The following MTRF1 variants were observed in gnomAD, a reference collection of about 807,000 sequenced individuals.
The protein encoded by MTRF1 is mitochondrial translation release factor 1.
MTRF1 carries 51 observed loss-of-function variants against 62.9 expected under a neutral mutation model. The ratio of observed to expected loss-of-function variants is 0.81; its 90% CI spans 0.65 to 1.02. The LOEUF is 1.02. MTRF1 is among the 50% of genes least tolerant of loss of function. The probability of loss-of-function intolerance (pLI) is 0.00; values close to 1 mark genes in which losing one functional copy is unlikely to be tolerated. For missense variants in MTRF1, 446 were observed against 530.0 expected (o/e 0.84, Z 1.56); for synonymous variants, 158 against 181.9 (o/e 0.87, Z 1.06).
chr13:41,230,458 T>C (rs908396036), intron 7 of MTRF1, among the ~76,000 whole-genome samples: 6 of 151,930 alleles, frequency 3.9e-5, no homozygotes, highest in Non-Finnish European at 5.9e-5. Context: ...GAGCTGGGGT[T>C]TCTCCATGTT....
the MTRF1 span, among the ~76,000 whole-genome samples, chr13:41,276,511 T>A: frequency 6.6e-6 from 1 of 152,194 alleles, no homozygotes; most frequent in African/African-American, 2.4e-5. Context: ...TGCCAAGCAC[T>A]CTGCTAAGTG....
chr13:41,265,174 G>C (rs1356307102), upstream of MTRF1, among the ~76,000 whole-genome samples: 1 of 152,136 alleles, frequency 6.6e-6, no homozygotes, highest in Non-Finnish European at 1.5e-5. Context: ...TGTAATCCTA[G>C]CACTTTGGGA....
At chr13:41,274,742 T>G in the MTRF1 span, among the ~76,000 whole-genome samples, 1 of 151,908 alleles carries the variant, frequency 6.6e-6, no homozygotes. Context: ...TTCAAGTGAT[T>G]CTTGTGCCTC....
chr13:41,252,767 G>T lies in MTRF1; in HGVS notation c.590-15C>A, dbSNP rs1317255354. The T allele has an allele frequency of 3.1e-6, 5 of 1,606,188 alleles. No individual in the cohort carries two copies. The highest frequency in any genetic ancestry group is 4.3e-6 in the Non-Finnish European group (5 of 1,173,926). On this transcript the variant is annotated splice_polypyrimidine_tract_variant and intron_variant, in intron 4 of 9. Coordinates refer to ENST00000379480, the MANE Select transcript of MTRF1 (RefSeq NM_004294.4). ...GCAGATGTCACCTAAAACAAAATAC[G>T]AAAAATATTTAGTCAGGACAAATTT...
chr13:41,232,325 TAA>T, intron 7 of MTRF1, among the ~76,000 whole-genome samples: 1 of 97,264 alleles, frequency 1.0e-5, no homozygotes, highest in Middle Eastern at 4.3e-3. Flanking sequence ...GAAAAAGAAC[TAA>T]AAAACAAAGT....
intron 6 of MTRF1, chr13:41,236,462 T>C (rs1253493136): frequency 6.6e-6 from 1 of 152,234 alleles, no homozygotes; most frequent in Non-Finnish European, 1.5e-5. Flanking sequence ...TTGTTCCACA[T>C]TCATCATTTA....
At chr13:41,278,287 C>T in the MTRF1 span, among the ~76,000 whole-genome samples, 2 of 152,130 alleles carry the variant, frequency 1.3e-5, no homozygotes, top group African/African-American at 4.8e-5. Context: ...AAGAAATGGA[C>T]AAAATGCACA....
chr13:41,311,179 C>G, the MTRF1 span: 1 of 426,114 alleles, frequency 2.3e-6, no homozygotes, highest in South Asian at 2.8e-5. Context: ...CCGCTACGCC[C>G]CCGTAGTCAC....
At chr13:41,254,066 GAGAA>G (rs1174860292) in intron 3 of MTRF1, among the ~76,000 whole-genome samples, 1 of 152,174 alleles carries the variant, frequency 6.6e-6, no homozygotes. Flanking sequence ...CATCAACCCT[GAGAA>G]GCTCCAGTAT....
the MTRF1 span, among the ~76,000 whole-genome samples, chr13:41,271,955 T>G: frequency 6.6e-6 from 1 of 152,032 alleles, no homozygotes; most frequent in Non-Finnish European, 1.5e-5. Context: ...AAACAACAAC[T>G]TCCTAGGAGA....
At chr13:41,294,482 T>A in the MTRF1 span, among the ~76,000 whole-genome samples, 1 of 149,922 alleles carries the variant, frequency 6.7e-6, no homozygotes, top group Non-Finnish European at 1.5e-5. Flanking sequence ...ATGAAAAAAA[T>A]TTTTTGTCTA....
the MTRF1 span, among the ~76,000 whole-genome samples, chr13:41,275,343 T>G: frequency 6.6e-6 from 1 of 151,522 alleles, no homozygotes; most frequent in African/African-American, 2.4e-5. Context: ...TGGGACTACA[T>G]GCACCCGCCA....
At chr13:41,293,567 TC>T in the MTRF1 span, among the ~76,000 whole-genome samples, 1 of 152,204 alleles carries the variant, frequency 6.6e-6, no homozygotes, top group Admixed American at 6.5e-5. Context: ...TACAGCCGTA[TC>T]TTCTGGCTTA....
At chr13:41,269,558 C>CTT in the MTRF1 span, among the ~76,000 whole-genome samples, 183 of 151,186 alleles carry the variant, frequency 1.2e-3, no homozygotes, top group Admixed American at 2.2e-3. Flanking sequence ...AAATTGTTCA[C>CTT]TTTTTTAAAA....
chr13:41,268,169 C>T (rs1410792239), upstream of MTRF1, among the ~76,000 whole-genome samples: 1 of 152,048 alleles, frequency 6.6e-6, no homozygotes, highest in Non-Finnish European at 1.5e-5. Flanking sequence ...ATCAGAAATG[C>T]TATTGATTCA....
At chr13:41,250,497 A>ATT (rs772309997) in intron 5 of MTRF1, among the ~76,000 whole-genome samples, 1 of 144,168 alleles carries the variant, frequency 6.9e-6, no homozygotes, top group Non-Finnish European at 1.5e-5. Context: ...TTTACTCCAA[A>ATT]TTTTTTTTTT....
At chr13:41,219,107 A>G (rs1443299772) in intron 9 of MTRF1, among the ~76,000 whole-genome samples, 9 of 99,676 alleles carry the variant, frequency 9.0e-5, no homozygotes, top group Non-Finnish European at 2.0e-4. Context: ...CCTGGCCAAC[A>G]TGGTGAAACC....
intron 5 of MTRF1, among the ~76,000 whole-genome samples, chr13:41,246,650 G>A (rs2038298713): frequency 1.3e-5 from 2 of 152,112 alleles, no homozygotes; most frequent in South Asian, 4.1e-4. Flanking sequence ...AAAATCAAAT[G>A]GTTTAACATT....
At chr13:41,288,111 G>A in the MTRF1 span, 1 of 496,012 alleles carries the variant, frequency 2.0e-6, no homozygotes, top group East Asian at 5.9e-5. Flanking sequence ...CAGATAGAAT[G>A]GGGGCATAAT....
Sources: gnomAD v4.1 joint callset for allele counts (sites outside exome capture counted in the v4.1 genomes callset) on GRCh38, gnomAD v4.1.1 for gene constraint, MANE v1.5 for transcripts, NCBI Gene and HGNC (gene_info 2026-07-23, HGNC 2026-07-21) for gene names.